LPA: variants seen among roughly 807,000 people sequenced by gnomAD.
LPA encodes the protein lipoprotein(a), also known as apolipoprotein(a).
A neutral mutation model predicts 197.9 loss-of-function variants in LPA; 199 were observed. The ratio of observed to expected loss-of-function variants is 1.01; its 90% CI spans 0.90 to 1.13. The LOEUF is 1.13. Among genes scored for constraint, LPA ranks in the 50% most tolerant of loss-of-function variants. LPA has a pLI of 0.00. For synonymous variants in LPA, 715 were observed against 639.5 expected, an observed-to-expected ratio of 1.12 and a Z score of -1.78; for missense variants, 1,853 against 1,785.8, an observed-to-expected ratio of 1.04 and a Z score of -0.68.
intron 16 of LPA, among the ~76,000 whole-genome samples, chr6:160,609,075 ACATATT>A (rs1779423015): frequency 6.6e-6 from 1 of 152,090 alleles, no homozygotes; most frequent in Non-Finnish European, 1.5e-5. Context: ...CTGTTTTATT[ACATATT>A]CATCTTTTTT....
At chr6:160,553,764 G>C (rs1244170382) in intron 30 of LPA, among the ~76,000 whole-genome samples, 3 of 152,130 alleles carry the variant, frequency 2.0e-5, no homozygotes, top group Non-Finnish European at 4.4e-5. Context: ...TACGTGTAAA[G>C]TCTTCAGCCA....
At chr6:160,554,957 C>G (rs1479239219) in intron 30 of LPA, among the ~76,000 whole-genome samples, 1 of 152,028 alleles carries the variant, frequency 6.6e-6, no homozygotes, top group African/African-American at 2.4e-5. Context: ...CGGAGTTGCG[C>G]TCATTCATTT....
intron 28 of LPA, among the ~76,000 whole-genome samples, chr6:160,562,302 C>T (rs934038239): frequency 5.3e-5 from 8 of 152,094 alleles, no homozygotes; most frequent in African/African-American, 1.9e-4. Context: ...TATCAAAGGC[C>T]TTTTCTGCGT....
intron 30 of LPA, among the ~76,000 whole-genome samples, chr6:160,553,366 C>A (rs544523348): frequency 6.6e-6 from 1 of 152,144 alleles, no homozygotes; most frequent in Non-Finnish European, 1.5e-5. Context: ...AATACAGAAG[C>A]CTGCCTTGGA....
In LPA at chr6:160,654,855, T is replaced by A. The variant is rs1019631575; in HGVS notation, c.50-4358A>T. Among the ~76,000 whole-genome samples the A allele has an allele frequency of 2.0e-5, 3 of 152,196 alleles. No individual in the cohort carries two copies. In the East Asian group the frequency reaches 5.8e-4, roughly 29 times the overall value. On this transcript the variant is annotated intron_variant, in intron 1 of 38. Transcript: ENST00000316300. The stretch of plus-strand genomic sequence containing the variant: ...AGTGCTGCAGCTGTCCACTTTCGGG[T>A]GGTGCCTGCATATCGTGCAGAACCA...
chr6:160,646,970 T>A (rs573943505), intron 2 of LPA, among the ~76,000 whole-genome samples: 1 of 152,160 alleles, frequency 6.6e-6, no homozygotes, highest in Non-Finnish European at 1.5e-5. Flanking sequence ...TGGAAAAGCA[T>A]TGTGCAAATA....
intron 20 of LPA, among the ~76,000 whole-genome samples, chr6:160,597,441 C>G (rs1779155100): frequency 6.6e-6 from 1 of 152,190 alleles, no homozygotes; most frequent in African/African-American, 2.4e-5. Flanking sequence ...TCGTGTGGCT[C>G]TAGGATTCAC....
intron 28 of LPA, among the ~76,000 whole-genome samples, chr6:160,576,367 CATATATATATATATATATATATGT>C: frequency 1.3e-5 from 1 of 78,032 alleles, no homozygotes; most frequent in African/African-American, 4.5e-5. Flanking sequence ...TATATATATA[CATATATATATATATATATATATGT>C]ATATATATAT....
In LPA at chr6:160,586,489, C is replaced by G; in HGVS notation, c.4089G>C (p.Thr1363=). 2 of 1,613,738 alleles carry G rather than the reference C, an allele frequency of 1.2e-6. No individual in the cohort carries two copies. The highest frequency in any genetic ancestry group is 1.7e-6 in the Non-Finnish European group (2 of 1,179,732). The change falls in exon 25 of 39, where the codon ACG becomes ACC. Residue 1363 remains threonine (T), a synonymous_variant. Coordinates refer to ENST00000316300, the MANE Select transcript of LPA (RefSeq NM_005577.4). ...GCTCTGTGCTTGGAACTGGGACCAC[C>G]GTGGGAGTTGTGAGGAGAGTTGATT... The part of the protein sequence containing the change: ...VMESTLLTTP[T]VVPVPSTELP...
intron 2 of LPA, among the ~76,000 whole-genome samples, chr6:160,647,274 A>G (rs1367734526): frequency 3.3e-5 from 5 of 152,188 alleles, no homozygotes; most frequent in Admixed American, 3.3e-4. Context: ...ACAATGAATT[A>G]GGAGGCAAAG....
At chr6:160,563,552 T>G (rs530604661) in intron 28 of LPA, among the ~76,000 whole-genome samples, 21 of 152,160 alleles carry the variant, frequency 1.4e-4, no homozygotes, top group Non-Finnish European at 1.8e-4. Context: ...TGTTGATTTG[T>G]GGTGTCGAGT....
chr6:160,535,212 A>T (rs201935664), intron 37 of LPA, among the ~76,000 whole-genome samples: 10 of 72 alleles, frequency 0.14, 2 homozygotes, highest in Non-Finnish European at 0.14. Context: ...ATGATAATAC[A>T]GATGAGGAAA....
chr6:160,550,528 A>G (rs1026241352), intron 30 of LPA, among the ~76,000 whole-genome samples: 25 of 152,302 alleles, frequency 1.6e-4, no homozygotes, highest in Admixed American at 1.3e-4. Context: ...TCTATTTTCA[A>G]CTGAGGTATA....
chr6:160,560,717 T>C (rs1349261711), intron 28 of LPA, among the ~76,000 whole-genome samples: 1 of 151,926 alleles, frequency 6.6e-6, no homozygotes, highest in Admixed American at 6.6e-5. Flanking sequence ...GACCACAGAA[T>C]TTTTCTCCAT....
At chr6:160,581,074 C>T (rs1778786017) in intron 26 of LPA, among the ~76,000 whole-genome samples, 1 of 152,088 alleles carries the variant, frequency 6.6e-6, no homozygotes, top group African/African-American at 2.4e-5. Flanking sequence ...TAAGAGCTAT[C>T]TCAAATTAAT....
chr6:160,555,455 A>G (rs62441902), intron 30 of LPA, among the ~76,000 whole-genome samples: 24,163 of 132,862 alleles, frequency 0.18, 2,504 homozygotes, highest in East Asian at 0.34. Context: ...ATATATATAT[A>G]TGTGTGTGTA....
chr6:160,567,981 T>C (rs1408938800), intron 28 of LPA, among the ~76,000 whole-genome samples: 1 of 152,026 alleles, frequency 6.6e-6, no homozygotes, highest in African/African-American at 2.4e-5. Flanking sequence ...AATAACAGGC[T>C]CTGAAATTGA....
At chr6:160,656,526 G>A (rs1344072380) in intron 1 of LPA, among the ~76,000 whole-genome samples, 1 of 152,144 alleles carries the variant, frequency 6.6e-6, no homozygotes, top group Non-Finnish European at 1.5e-5. Flanking sequence ...ACTTTAACTG[G>A]GGAACCACAA....
chr6:160,546,123 C>T (rs1167918591), intron 32 of LPA, among the ~76,000 whole-genome samples: 1 of 152,132 alleles, frequency 6.6e-6, no homozygotes, highest in African/African-American at 2.4e-5. Context: ...TTGGTGGGTT[C>T]CTGGATAGCC....
Sources: allele counts gnomAD v4.1 joint callset (sites outside exome capture counted in the v4.1 genomes callset), GRCh38; gene constraint gnomAD v4.1.1; transcripts MANE v1.5; gene names NCBI Gene and HGNC (gene_info 2026-07-23, HGNC 2026-07-21).